Variants in CNTN3 observed in about 807,000 individuals in gnomAD.
The protein encoded by CNTN3 is contactin-3.
In CNTN3, 60 loss-of-function variants were observed where a neutral mutation model predicts 119.1. The ratio of observed to expected loss-of-function variants is 0.50; its 90% CI spans 0.41 to 0.62. The LOEUF is 0.62. CNTN3 is among the 20% of genes least tolerant of loss of function. The probability of loss-of-function intolerance (pLI) is 0.00; values close to 1 mark genes in which losing one functional copy is unlikely to be tolerated. For missense variants in CNTN3, 1,101 were observed against 1,242.4 expected, an observed-to-expected ratio of 0.89 and a Z score of 1.71; for synonymous variants, 450 against 438.7, an observed-to-expected ratio of 1.03 and a Z score of -0.32.
At position 74,570,099 on chromosome 3, in the gene CNTN3, G is replaced by T. The variant is rs1232910740; in HGVS notation, c.-81+44292C>A. 2.0e-5 allele frequency among the ~76,000 whole-genome samples: 3 copies of T among 152,086 alleles called. No homozygotes were observed. The East Asian group carries it at 5.8e-4, about 29-fold the overall frequency. ...TAGAGGGTTCGTCCAACAAGGGTGG[G>T]CTTGCCTGGACATCTCTCTTTTGCC... On this transcript the variant is annotated intron_variant, in intron 1 of 22. Transcript: ENST00000263665.
chr3:74,385,815 G>A (rs1704733138), intron 5 of CNTN3, among the ~76,000 whole-genome samples: 1 of 152,106 alleles, frequency 6.6e-6, no homozygotes, highest in Admixed American at 6.6e-5. Context: ...AAATGTGTGA[G>A]CAATACTGTG....
intron 1 of CNTN3, among the ~76,000 whole-genome samples, chr3:74,592,611 G>T (rs1428784832): frequency 6.6e-6 from 1 of 151,946 alleles, no homozygotes; most frequent in Admixed American, 6.6e-5. Flanking sequence ...CCATGAGAGT[G>T]ATATGCTGAG....
In CNTN3 at chr3:74,262,596, G is replaced by T. The variant is rs1301432450; in HGVS notation, c.*1805C>A. On this transcript the variant is annotated 3_prime_UTR_variant, in exon 23 of 23. Transcript: ENST00000263665. Reference sequence around the variant, plus strand: ...GCTTGTTATAAATTTTATTAGAATAGAAAATAATACATACAGATAACCATA... The same window carrying T: ...GCTTGTTATAAATTTTATTAGAATATAAAATAATACATACAGATAACCATA... 2 of 152,286 alleles carry T rather than the reference G, an allele frequency of 1.3e-5. No individual in the cohort carries two copies. Among genetic ancestry groups the T allele is most frequent in the African/African-American group, 2.4e-5 (1 of 41,366 alleles). 9.4% of individuals were successfully genotyped at this position (152,286 alleles called of 1,614,324 possible).
chr3:74,499,621 A>G, intron 3 of CNTN3, 38 bp downstream of exon 3: 1 of 1,573,336 alleles, frequency 6.4e-7, no homozygotes, highest in Non-Finnish European at 8.6e-7. Flanking sequence ...AAGTGTGTTT[A>G]GTTTTTTTTA....
chr3:74,398,709 A>G (rs1400532729), intron 5 of CNTN3, among the ~76,000 whole-genome samples: 1 of 152,192 alleles, frequency 6.6e-6, no homozygotes, highest in Admixed American at 6.5e-5. Flanking sequence ...CTTTTGGTAT[A>G]GTGAGTTTCA....
intron 4 of CNTN3, among the ~76,000 whole-genome samples, chr3:74,470,398 G>A (rs1702538373): frequency 6.6e-6 from 1 of 152,086 alleles, no homozygotes; most frequent in African/African-American, 2.4e-5. Flanking sequence ...CTCCATTCCA[G>A]CTCACCACAT....
intron 4 of CNTN3, among the ~76,000 whole-genome samples, chr3:74,459,282 T>C (rs922815076): frequency 1.3e-5 from 2 of 152,006 alleles, no homozygotes; most frequent in African/African-American, 4.8e-5. Context: ...GCCGAATCAA[T>C]CTATCGCCAA....
intron 8 of CNTN3, among the ~76,000 whole-genome samples, chr3:74,366,942 T>G (rs569108782): frequency 6.8e-6 from 1 of 147,390 alleles, no homozygotes; most frequent in East Asian, 2.0e-4. Context: ...CAGCCTCTTA[T>G]AGAGACCCGA....
intron 21 of CNTN3, 66 bp downstream of exon 21, chr3:74,267,200 C>T: frequency 3.1e-6 from 3 of 954,434 alleles, no homozygotes; most frequent in African/African-American, 3.2e-5. Context: ...TTCACTTATA[C>T]CTAGCTTCTC....
intron 13 of CNTN3, among the ~76,000 whole-genome samples, chr3:74,307,742 C>T (rs187941354): frequency 2.1e-4 from 32 of 152,172 alleles, no homozygotes; most frequent in African/African-American, 6.3e-4. Flanking sequence ...AAATAAACTT[C>T]GGAATTAGGG....
rs531196317 is a variant in CNTN3 at position 74,415,953 on chromosome 3, G to A, written c.454+8892C>T. Among the ~76,000 whole-genome samples the A allele has an allele frequency of 2.9e-4, 44 of 152,258 alleles. 1 individual carries two copies. Among genetic ancestry groups the A allele is most frequent in the African/African-American group, 1.0e-3 (42 of 41,554 alleles). Reference sequence around the variant, plus strand: ...GGCAGGTGTTCTCCCTGGGCCAATCGGTTGAAGTCAGTTGGAATGTGCTGG... The same window carrying A: ...GGCAGGTGTTCTCCCTGGGCCAATCAGTTGAAGTCAGTTGGAATGTGCTGG... On this transcript the variant is annotated intron_variant, in intron 5 of 22. Coordinates refer to ENST00000263665, the MANE Select transcript of CNTN3 (RefSeq NM_020872.3).
chr3:74,471,524 T>C (rs972865131), intron 4 of CNTN3, among the ~76,000 whole-genome samples: 2 of 152,174 alleles, frequency 1.3e-5, no homozygotes, highest in African/African-American at 4.8e-5. Flanking sequence ...CTAGCCTCAC[T>C]GCCACAGAAC....
intron 4 of CNTN3, among the ~76,000 whole-genome samples, chr3:74,455,265 G>A (rs958905231): frequency 3.0e-4 from 46 of 151,236 alleles, no homozygotes; most frequent in Admixed American, 1.6e-3. Flanking sequence ...ATCTTCCATC[G>A]CTGATACCCT....
chr3:74,503,174 C>A (rs1703195779), intron 2 of CNTN3, among the ~76,000 whole-genome samples: 2 of 152,132 alleles, frequency 1.3e-5, no homozygotes, highest in Admixed American at 1.3e-4. Context: ...CTGATATCAA[C>A]CCTAGTCCTC....
At chr3:74,353,242 G>A (rs1282261482) in intron 11 of CNTN3, among the ~76,000 whole-genome samples, 2 of 152,192 alleles carry the variant, frequency 1.3e-5, no homozygotes, top group Non-Finnish European at 2.9e-5. Flanking sequence ...TGGCCACTAG[G>A]AGGGGCAATG....
At chr3:74,322,735 G>A (rs1703026775) in intron 13 of CNTN3, among the ~76,000 whole-genome samples, 1 of 152,152 alleles carries the variant, frequency 6.6e-6, no homozygotes, top group South Asian at 2.1e-4. Context: ...AAACATGGAA[G>A]CAACCAATAT....
intron 5 of CNTN3, among the ~76,000 whole-genome samples, chr3:74,372,812 C>T (rs2106794609): frequency 6.6e-6 from 1 of 152,130 alleles, no homozygotes; most frequent in South Asian, 2.1e-4. Context: ...GGCTGAAGAA[C>T]AGGCCTTAAA....
At chr3:74,498,430 T>C (rs997288220) in intron 3 of CNTN3, among the ~76,000 whole-genome samples, 3 of 151,856 alleles carry the variant, frequency 2.0e-5, no homozygotes, top group Non-Finnish European at 2.9e-5. Flanking sequence ...TAGAAAGAGG[T>C]AGAGGCAGAG....
chr3:74,492,049 G>A (rs184623166), intron 3 of CNTN3, among the ~76,000 whole-genome samples: 36 of 152,124 alleles, frequency 2.4e-4, no homozygotes, highest in Admixed American at 1.2e-3. Flanking sequence ...CAGCTTGGTG[G>A]TAAATGTCAC....
Sources: allele counts gnomAD v4.1 joint callset (sites outside exome capture counted in the v4.1 genomes callset), GRCh38; gene constraint gnomAD v4.1.1; transcripts MANE v1.5; gene names NCBI Gene and HGNC (gene_info 2026-07-23, HGNC 2026-07-21).